The following MITF variants were observed in gnomAD, a reference collection of about 807,000 sequenced individuals.
MITF encodes microphthalmia-associated transcription factor.
In MITF, 17 loss-of-function variants were observed where a neutral mutation model predicts 60.5. The observed-to-expected ratio is 0.28, with a 90% confidence interval of 0.19 to 0.42. MITF has a LOEUF of 0.42. Among genes scored for constraint, MITF ranks in the 10% least tolerant of loss-of-function variants. The pLI is 1.00. For synonymous variants in MITF, 260 were observed against 248.5 expected (o/e 1.05, Z -0.43); for missense variants, 622 against 683.5 (o/e 0.91, Z 1.00).
chr3:69,763,995 G>GT, intron 1 of MITF: 2 of 1,247,388 alleles, frequency 1.6e-6, no homozygotes, highest in South Asian at 1.4e-5. Context: ...TATATAGCAT[G>GT]TTTTTTAAGG....
intron 1 of MITF, among the ~76,000 whole-genome samples, chr3:69,824,345 A>C (rs530543542): frequency 6.6e-6 from 1 of 152,326 alleles, no homozygotes; most frequent in African/African-American, 2.4e-5. Flanking sequence ...TGTCAATATC[A>C]ATAGCATGCA....
At chr3:69,896,677 G>C (rs1199516504) in intron 2 of MITF, among the ~76,000 whole-genome samples, 1 of 152,112 alleles carries the variant, frequency 6.6e-6, no homozygotes, top group Non-Finnish European at 1.5e-5. Context: ...TTTGCAGAAC[G>C]TGATGTTTTC....
intron 2 of MITF, among the ~76,000 whole-genome samples, chr3:69,922,106 A>T (rs2065480390): frequency 6.6e-6 from 1 of 152,126 alleles, no homozygotes. Flanking sequence ...TGTTTCCCCC[A>T]CCTAACCCTT....
chr3:69,925,524 A>C (rs562833948), intron 2 of MITF, among the ~76,000 whole-genome samples: 1 of 152,336 alleles, frequency 6.6e-6, no homozygotes, highest in South Asian at 2.1e-4. Flanking sequence ...AGCCAAGAAG[A>C]AGCCAAGGGC....
In MITF at chr3:69,853,478, A is replaced by T. The variant is rs187346963; in HGVS notation, c.105-25656A>T. Among the ~76,000 whole-genome samples the T allele has an allele frequency of 5.3e-3, 806 of 152,218 alleles. 1 individual carries two copies. Among genetic ancestry groups the T allele is most frequent in the Middle Eastern group, 0.014 (4 of 294 alleles). Reference sequence around the variant, plus strand: ...ATATTATTATTATTAAATATATCATACATATAGAAAGCAATACCTGTCCGT... The same window carrying T: ...ATATTATTATTATTAAATATATCATTCATATAGAAAGCAATACCTGTCCGT... On this transcript the variant is annotated intron_variant, in intron 1 of 9. Transcript: ENST00000352241.
At chr3:69,782,016 C>CAT (rs148650464) in intron 1 of MITF, among the ~76,000 whole-genome samples, 29,205 of 152,162 alleles carry the variant, frequency 0.19, 3,347 homozygotes, top group East Asian at 0.48. Context: ...TAGGGTTCAA[C>CAT]ATCTCCAGAA....
intron 1 of MITF, among the ~76,000 whole-genome samples, chr3:69,858,426 C>A (rs556293605): frequency 6.6e-6 from 1 of 152,084 alleles, no homozygotes; most frequent in Non-Finnish European, 1.5e-5. Context: ...AGAAATTTGA[C>A]TGTTAGCAAA....
chr3:69,756,365 T>C (rs1285499809), intron 1 of MITF, among the ~76,000 whole-genome samples: 5 of 152,188 alleles, frequency 3.3e-5, no homozygotes, highest in East Asian at 1.9e-4. Flanking sequence ...CTCCCACTTA[T>C]GAGTGAGAAC....
intron 2 of MITF, among the ~76,000 whole-genome samples, chr3:69,884,980 A>G (rs1038652810): frequency 2.0e-5 from 3 of 152,122 alleles, no homozygotes; most frequent in Non-Finnish European, 2.9e-5. Flanking sequence ...TTACATGTTC[A>G]TTGGGCAATA....
At chr3:69,894,319 A>C (rs1296079478) in intron 2 of MITF, among the ~76,000 whole-genome samples, 3 of 152,156 alleles carry the variant, frequency 2.0e-5, no homozygotes, top group African/African-American at 7.2e-5. Context: ...CTAGTCTCTA[A>C]GTGTTTTGAT....
Position 69,966,592 on chromosome 3 carries a change from A to T in MITF, c.*1344A>T, listed in dbSNP as rs2066695330. On this transcript the variant is annotated 3_prime_UTR_variant, in exon 10 of 10. Coordinates refer to ENST00000352241, the MANE Select transcript of MITF (RefSeq NM_001354604.2). ...TTTATTTTTAAGAAAGAAATACTGT[A>T]TTGGGAAGTTACTGTTACTTGATAA... The T allele has an allele frequency of 4.3e-6, 1 of 233,190 alleles. No homozygotes were observed. Among genetic ancestry groups the T allele is most frequent in the East Asian group, 6.1e-5 (1 of 16,434 alleles). The allele number at this position is 233,190 out of a possible 1,614,324, so 14.4% of individuals were successfully genotyped here.
intron 1 of MITF, among the ~76,000 whole-genome samples, chr3:69,770,855 T>C (rs999476579): frequency 6.6e-6 from 1 of 152,160 alleles, no homozygotes; most frequent in African/African-American, 2.4e-5. Context: ...ACAGGTTTCT[T>C]TGAAGGTAAT....
At chr3:69,779,098 A>G (rs531159913) in intron 1 of MITF, 14 of 152,328 alleles carry the variant, frequency 9.2e-5, no homozygotes, top group African/African-American at 2.9e-4. Flanking sequence ...CTGCAGTTTA[A>G]TTCAAGATAG....
intron 1 of MITF, among the ~76,000 whole-genome samples, chr3:69,825,512 T>C (rs2063340030): frequency 6.6e-6 from 1 of 152,190 alleles, no homozygotes; most frequent in African/African-American, 2.4e-5. Context: ...GTTCAGTTTC[T>C]GGGGATTGTC....
At chr3:69,840,378 A>G (rs1374096674) in intron 1 of MITF, among the ~76,000 whole-genome samples, 1 of 152,170 alleles carries the variant, frequency 6.6e-6, no homozygotes. Flanking sequence ...GAGGTCTTTG[A>G]AAGGGACAGG....
intron 1 of MITF, among the ~76,000 whole-genome samples, chr3:69,827,732 C>A (rs930289246): frequency 6.8e-6 from 1 of 147,446 alleles, no homozygotes; most frequent in South Asian, 2.2e-4. Context: ...TTTATTTTCC[C>A]TTTTTTTTTT....
chr3:69,942,396 G>A (rs540845975), intron 5 of MITF, among the ~76,000 whole-genome samples: 2 of 152,074 alleles, frequency 1.3e-5, no homozygotes, highest in East Asian at 3.9e-4. Flanking sequence ...TTGGCCAAAG[G>A]ACAAAATAAC....
intron 1 of MITF, among the ~76,000 whole-genome samples, chr3:69,770,705 G>A (rs886134530): frequency 2.0e-5 from 3 of 152,144 alleles, no homozygotes; most frequent in Non-Finnish European, 4.4e-5. Flanking sequence ...AATGGAGCAC[G>A]AAAGCAAGAA....
intron 2 of MITF, among the ~76,000 whole-genome samples, chr3:69,904,516 C>T (rs943034970): frequency 1.3e-5 from 2 of 152,196 alleles, no homozygotes; most frequent in African/African-American, 4.8e-5. Context: ...TGAAACACTG[C>T]TTTCCATGTG....
Sources: allele counts gnomAD v4.1 joint callset (sites outside exome capture counted in the v4.1 genomes callset), GRCh38; gene constraint gnomAD v4.1.1; transcripts MANE v1.5; gene names NCBI Gene and HGNC (gene_info 2026-07-23, HGNC 2026-07-21).